The following PCDHGA1 variants were observed in gnomAD, a reference collection of about 807,000 sequenced individuals.
PCDHGA1 encodes protocadherin gamma subfamily A, 1.
Under a neutral mutation model 58.0 loss-of-function variants are expected in PCDHGA1, and 32 were observed. The observed-to-expected ratio is 0.55, with a 90% CI of 0.42 to 0.74. The LOEUF is 0.74. Among genes scored for constraint, PCDHGA1 ranks in the 30% least tolerant of loss-of-function variants. The pLI is 0.00. For missense variants in PCDHGA1, 1,205 were observed against 1,182.3 expected (o/e 1.02, Z -0.28); for synonymous variants, 498 against 501.1 (o/e 0.99, Z 0.08).
In PCDHGA1 at chr5:141,432,958, A is replaced by C; in HGVS notation, c.2422-61849A>C. 6.2e-7 allele frequency: 1 copy of C among 1,614,182 alleles called. No individual in the cohort carries two copies. Among genetic ancestry groups the C allele is most frequent in the African/African-American group, 1.3e-5 (1 of 75,056 alleles). On this transcript the variant is annotated intron_variant, in intron 1 of 3. Transcript: ENST00000517417. This position sits in a 1 kb window ranked among gnomAD's most constrained non-coding sequence, Gnocchi z 6.0. ...TGCAGGCTTCAGGAGGCGGCTTGAC[A>C]GGAGCGCCGGCGTCGCACTTTGTGG...
intron 1 of PCDHGA1, chr5:141,370,796 C>A (rs1460787163): frequency 6.2e-7 from 1 of 1,614,006 alleles, no homozygotes; most frequent in Non-Finnish European, 8.5e-7. Flanking sequence ...CGACCTTTAG[C>A]CAAAATATCA....
At position 141,431,641 on chromosome 5, in the gene PCDHGA1, A is replaced by G. The variant is rs772686680; in HGVS notation, c.2422-63166A>G. ...ACAAGGCGGCCCAAGTTTTCAAACT[A>G]GATTGTAATTCAGGGACAATATCAA... is the stretch of plus-strand genomic sequence containing the variant. On this transcript the variant is annotated intron_variant, in intron 1 of 3. Coordinates refer to ENST00000517417, the MANE Select transcript of PCDHGA1 (RefSeq NM_018912.3). This position sits in a 1 kb window ranked among gnomAD's most constrained non-coding sequence, Gnocchi z 4.8. The G allele has an allele frequency of 6.2e-7, 1 of 1,614,270 alleles. No individual in the cohort carries two copies. Among genetic ancestry groups the G allele is most frequent in the South Asian group, 1.1e-5 (1 of 91,092 alleles).
chr5:141,356,960 T>C (rs1760409535), intron 1 of PCDHGA1: 2 of 1,614,210 alleles, frequency 1.2e-6, no homozygotes, highest in Non-Finnish European at 8.5e-7. Context: ...TCCGGCTACC[T>C]GGTGACCAAA....
At chr5:141,461,602 A>G (rs971808608) in intron 1 of PCDHGA1, among the ~76,000 whole-genome samples, 2 of 152,172 alleles carry the variant, frequency 1.3e-5, no homozygotes, top group African/African-American at 4.8e-5. Flanking sequence ...ATTATAATTT[A>G]GTTCAAAGTA....
At chr5:141,467,939 A>G (rs2099154812) in intron 1 of PCDHGA1, among the ~76,000 whole-genome samples, 2 of 152,190 alleles carry the variant, frequency 1.3e-5, no homozygotes, top group Admixed American at 6.5e-5. Context: ...GATTACAAGC[A>G]TGAGCCACCA....
chr5:141,483,730 T>G (rs999201456), intron 1 of PCDHGA1, among the ~76,000 whole-genome samples: 1 of 152,014 alleles, frequency 6.6e-6, no homozygotes, highest in Non-Finnish European at 1.5e-5. Flanking sequence ...CCCACCATAG[T>G]CAAAAGGATA....
intron 1 of PCDHGA1, chr5:141,351,950 G>C (rs1343539435): frequency 6.2e-7 from 1 of 1,613,000 alleles, no homozygotes; most frequent in Non-Finnish European, 8.5e-7. Flanking sequence ...CCCCGCGCTG[G>C]GGCCTGATGG....
chr5:141,478,799 CTT>C, intron 1 of PCDHGA1: 1 of 1,463,738 alleles, frequency 6.8e-7, no homozygotes, highest in Non-Finnish European at 9.0e-7. Flanking sequence ...CCTCAGCACT[CTT>C]TTGCTATCAC....
rs561451935 is a variant in PCDHGA1 at position 141,423,179 on chromosome 5, G to A, written c.2422-71628G>A. 21 of 1,613,516 alleles carry A rather than the reference G, an allele frequency of 1.3e-5. No individual in the cohort carries two copies. The South Asian group carries it at 2.1e-4, about 16-fold the overall frequency. ...CTCGTGGTGGCCGTCCAGGACCACG[G>A]CCAGCCCCCTCTCTCGGCCACCGTC... On this transcript the variant is annotated intron_variant, in intron 1 of 3. Transcript: ENST00000517417.
intron 1 of PCDHGA1, chr5:141,391,595 T>C (rs1353226414): frequency 6.6e-6 from 1 of 152,188 alleles, no homozygotes; most frequent in Non-Finnish European, 1.5e-5. Flanking sequence ...AAATATAAAG[T>C]TTTCAGATTT....
chr5:141,372,498 C>T, intron 1 of PCDHGA1: 1 of 1,614,054 alleles, frequency 6.2e-7, no homozygotes, highest in Non-Finnish European at 8.5e-7. Flanking sequence ...GATCTCAGTG[C>T]TCTTCCTCCT....
At chr5:141,392,722 A>G in intron 1 of PCDHGA1, 1 of 1,389,524 alleles carries the variant, frequency 7.2e-7, no homozygotes, top group African/African-American at 1.5e-5. Context: ...AGGTTTCCGG[A>G]GGATTGTCAT....
chr5:141,446,130 CTT>C (rs1191897284), intron 1 of PCDHGA1, among the ~76,000 whole-genome samples: 2 of 152,076 alleles, frequency 1.3e-5, no homozygotes, highest in African/African-American at 4.8e-5. Context: ...TTCAATAAGA[CTT>C]AATAATGGAA....
chr5:141,403,707 T>C (rs2094445205), intron 1 of PCDHGA1: 2 of 1,613,778 alleles, frequency 1.2e-6, no homozygotes, highest in African/African-American at 2.7e-5. Flanking sequence ...GTTAAAGTCC[T>C]TGAGAACGTG....
intron 1 of PCDHGA1, among the ~76,000 whole-genome samples, chr5:141,472,611 G>T (rs1055885253): frequency 1.3e-5 from 2 of 151,938 alleles, no homozygotes; most frequent in South Asian, 4.1e-4. Context: ...ATAAAACAAA[G>T]AAGAAAAAAG....
chr5:141,364,872 A>G (rs760519562), intron 1 of PCDHGA1: 6 of 1,613,890 alleles, frequency 3.7e-6, no homozygotes, highest in Non-Finnish European at 5.1e-6. Context: ...TTCTCTCTGG[A>G]TGTGGTAAGC....
intron 1 of PCDHGA1, chr5:141,346,644 TG>T: frequency 1.2e-6 from 1 of 851,514 alleles, no homozygotes; most frequent in Non-Finnish European, 1.8e-6. Context: ...TATGGTTGAG[TG>T]GGCTTAGGGA....
chr5:141,346,613 G>C (rs546078432), intron 1 of PCDHGA1: 2 of 1,116,250 alleles, frequency 1.8e-6, no homozygotes, highest in South Asian at 3.3e-5. Flanking sequence ...CCTATAGTAG[G>C]ACTGCACTCC....
intron 1 of PCDHGA1, chr5:141,415,740 G>GTGT: frequency 1.6e-6 from 1 of 617,992 alleles, no homozygotes; most frequent in Non-Finnish European, 2.1e-6. Context: ...GTTTATTAAG[G>GTGT]TTTTTTTTTT....
Sources: allele counts gnomAD v4.1 joint callset (sites outside exome capture counted in the v4.1 genomes callset), GRCh38; gene constraint gnomAD v4.1.1; non-coding constraint Gnocchi (gnomAD v3.1); transcripts MANE v1.5; gene names NCBI Gene and HGNC (gene_info 2026-07-23, HGNC 2026-07-21).